Variants in SLIT3 observed in about 807,000 individuals in gnomAD.
The protein encoded by SLIT3 is slit homolog 3 protein.
Under a neutral mutation model 184.0 loss-of-function variants are expected in SLIT3, and 68 were observed. The ratio of observed to expected loss-of-function variants is 0.37; its 90% CI spans 0.30 to 0.45. The LOEUF (loss-of-function observed/expected upper bound fraction) is 0.45. Ranked by LOEUF, SLIT3 falls within the 20% of genes least tolerant of loss-of-function variation. The probability of loss-of-function intolerance (pLI) is 1.00; values close to 1 mark genes in which losing one functional copy is unlikely to be tolerated. For synonymous variants in SLIT3, 831 were observed against 828.6 expected (o/e 1.00, Z -0.05); for missense variants, 1,707 against 2,026.0 (o/e 0.84, Z 3.02).
At chr5:169,222,726 T>C (rs1474725363) in intron 3 of SLIT3, among the ~76,000 whole-genome samples, 1 of 152,118 alleles carries the variant, frequency 6.6e-6, no homozygotes, top group African/African-American at 2.4e-5. Flanking sequence ...AATGCAGAAT[T>C]TTTGCTTTAG....
At chr5:168,931,017 G>A (rs765951406) in intron 4 of SLIT3, among the ~76,000 whole-genome samples, 12 of 152,002 alleles carry the variant, frequency 7.9e-5, no homozygotes, top group African/African-American at 1.5e-4. Context: ...CACTGCCTTC[G>A]TCTCCCCCTC....
At chr5:169,027,047 T>C (rs1581322847) in intron 4 of SLIT3, among the ~76,000 whole-genome samples, 2 of 152,350 alleles carry the variant, frequency 1.3e-5, no homozygotes, top group South Asian at 4.1e-4. Context: ...TGGATCATGT[T>C]TCCATGGGTA....
chr5:169,176,908 C>T (rs1459683675), intron 4 of SLIT3, among the ~76,000 whole-genome samples: 1 of 152,188 alleles, frequency 6.6e-6, no homozygotes, highest in Non-Finnish European at 1.5e-5. Context: ...TCTTAGAAAT[C>T]CACCTCGAGG....
intron 7 of SLIT3, among the ~76,000 whole-genome samples, chr5:168,822,257 C>T (rs72827670): frequency 0.04 from 6,020 of 152,238 alleles, 149 homozygotes; most frequent in Non-Finnish European, 0.057. Context: ...AATAATGTAA[C>T]AATCAATATC....
At chr5:168,740,351 C>T (rs1763585120) in intron 20 of SLIT3, among the ~76,000 whole-genome samples, 1 of 152,318 alleles carries the variant, frequency 6.6e-6, no homozygotes, top group East Asian at 1.9e-4. Flanking sequence ...ACCTCCTGCT[C>T]AGATGGCATT....
intron 4 of SLIT3, among the ~76,000 whole-genome samples, chr5:169,142,078 TAAAAATAAATAA>T (rs1561693197): frequency 1.8e-4 from 5 of 27,458 alleles, no homozygotes; most frequent in African/African-American, 1.6e-3. Context: ...AAAATAAAAA[TAAAAATAAATAA>T]ATAAATAAAT....
intron 4 of SLIT3, among the ~76,000 whole-genome samples, chr5:169,183,040 G>A (rs1331368650): frequency 6.6e-6 from 1 of 152,172 alleles, no homozygotes; most frequent in East Asian, 1.9e-4. Flanking sequence ...GAGAAAGAGC[G>A]AGGTGGCAAG....
intron 4 of SLIT3, among the ~76,000 whole-genome samples, chr5:168,945,228 T>C (rs1762435582): frequency 6.7e-6 from 1 of 150,136 alleles, no homozygotes; most frequent in Non-Finnish European, 1.5e-5. Flanking sequence ...GATCAAAAGC[T>C]TCGTGATTGG....
chr5:168,767,722 G>T (rs1259967186), intron 14 of SLIT3, among the ~76,000 whole-genome samples: 1 of 152,130 alleles, frequency 6.6e-6, no homozygotes, highest in Non-Finnish European at 1.5e-5. Context: ...TGGTGGGAGG[G>T]GTCGGGGGTC....
chr5:168,875,408 G>A (rs906868729), intron 5 of SLIT3, among the ~76,000 whole-genome samples: 25 of 152,074 alleles, frequency 1.6e-4, no homozygotes, highest in Admixed American at 3.3e-4. Flanking sequence ...AAGGCGGGTG[G>A]ATCACCTGAG....
At chr5:168,752,769 AG>A (rs1754760168) in intron 18 of SLIT3, 185 bp downstream of exon 18, 1 of 591,088 alleles carries the variant, frequency 1.7e-6, no homozygotes. Context: ...TCCAGGAAGG[AG>A]GGGCCGGGTG....
At chr5:169,015,741 C>T (rs914730510) in intron 4 of SLIT3, among the ~76,000 whole-genome samples, 5 of 151,982 alleles carry the variant, frequency 3.3e-5, no homozygotes, top group Non-Finnish European at 5.9e-5. Flanking sequence ...TAGTGAGACC[C>T]TGTCTGTACA....
In SLIT3 at chr5:168,770,136, GC is replaced by G. The variant is rs1020520295; in HGVS notation, c.1459+2644del. On this transcript the variant is annotated intron_variant, in intron 14 of 35. Coordinates refer to ENST00000519560, the MANE Select transcript of SLIT3 (RefSeq NM_003062.4). Reference sequence around the variant, plus strand: ...TTGGGGTCCCAGGCAGCCAGACGGAGCCTTTTCAGGAGGACTTAATCTGATG... The same window carrying G: ...TTGGGGTCCCAGGCAGCCAGACGGAGCTTTTCAGGAGGACTTAATCTGATG... 7.9e-5 allele frequency among the ~76,000 whole-genome samples: 12 copies of G among 152,170 alleles called. 1 individual carries two copies. The highest frequency in any genetic ancestry group is 6.5e-4 in the Admixed American group (10 of 15,284).
At chr5:169,085,143 C>G (rs1759239398) in intron 4 of SLIT3, among the ~76,000 whole-genome samples, 1 of 152,214 alleles carries the variant, frequency 6.6e-6, no homozygotes, top group Non-Finnish European at 1.5e-5. Context: ...TTCTTAAATT[C>G]AGCCCTCCAA....
chr5:169,179,365 C>T lies in SLIT3; in HGVS notation c.413+14114G>A, dbSNP rs1293717536. ...TTGTAAAGCCTTCACTAAGGTGAGG[C>T]CTCCAATAGCTAGACAATCCCTTTC... is the stretch of plus-strand genomic sequence containing the variant. On this transcript the variant is annotated intron_variant, in intron 4 of 35. Transcript: ENST00000519560. 1.1e-4 allele frequency among the ~76,000 whole-genome samples: 16 copies of T among 149,196 alleles called. No individual in the cohort carries two copies. The South Asian group carries it at 3.0e-3, about 28-fold the overall frequency.
In SLIT3 at chr5:168,695,903, A is replaced by G. The variant is rs79835404; in HGVS notation, c.3082+389T>C. 7.2e-3 allele frequency among the ~76,000 whole-genome samples: 1,100 copies of G among 152,304 alleles called. 26 individuals carry two copies. In the East Asian group the frequency reaches 0.095, roughly 13 times the overall value. On this transcript the variant is annotated intron_variant, in intron 28 of 35. Transcript: ENST00000519560. ...ATTTTTGTATCCCTAGCTCCTAGCT[A>G]AGTGTCTGGAAAATGTGGATTTCAA...
At position 168,723,059 on chromosome 5, in the gene SLIT3, G is replaced by A. The variant is rs1365563944; in HGVS notation, c.2340-55C>T. ...TTTTGTCTTAGTTGCATCTGTAGGAGGCCATTCCCAAGTATCACACATACC... is the reference window on the plus strand; with the variant it reads ...TTTTGTCTTAGTTGCATCTGTAGGAAGCCATTCCCAAGTATCACACATACC... On this transcript the variant is annotated intron_variant, in intron 21 of 35. Transcript: ENST00000519560. The A allele has an allele frequency of 3.8e-6, 5 of 1,322,472 alleles. No individual in the cohort carries two copies. The African/African-American group carries it at 4.3e-5, about 11-fold the overall frequency. The allele number at this position is 1,322,472 out of a possible 1,614,324, so 81.9% of individuals were successfully genotyped here.
chr5:168,763,080 T>C (rs1303645614), intron 14 of SLIT3, among the ~76,000 whole-genome samples: 1 of 152,060 alleles, frequency 6.6e-6, no homozygotes, highest in Non-Finnish European at 1.5e-5. Flanking sequence ...ACAACTCCTA[T>C]CATTCATGGA....
intron 4 of SLIT3, among the ~76,000 whole-genome samples, chr5:168,957,274 C>T (rs889163942): frequency 2.3e-4 from 35 of 151,472 alleles, no homozygotes; most frequent in Admixed American, 2.3e-3. Context: ...CTATGTTGGC[C>T]AGGGTGGTCT....
Sources: gnomAD v4.1 joint callset for allele counts (sites outside exome capture counted in the v4.1 genomes callset) on GRCh38, gnomAD v4.1.1 for gene constraint, MANE v1.5 for transcripts, NCBI Gene and HGNC (gene_info 2026-07-23, HGNC 2026-07-21) for gene names.